SF3B3: variants seen among roughly 807,000 people sequenced by gnomAD.
SF3B3 encodes the protein SAP 130.
SF3B3 carries 33 observed loss-of-function variants against 139.2 expected under a neutral mutation model. The ratio of observed to expected loss-of-function variants is 0.24; its 90% CI spans 0.18 to 0.32. The LOEUF (loss-of-function observed/expected upper bound fraction) is 0.32. Among genes scored for constraint, SF3B3 ranks in the 10% least tolerant of loss-of-function variants. The pLI, the probability that SF3B3 is intolerant of heterozygous loss-of-function variation, is 1.00. For missense variants in SF3B3, 818 were observed against 1,509.4 expected (o/e 0.54, Z 7.59); for synonymous variants, 596 against 563.6 (o/e 1.06, Z -0.81).
At chr16:70,534,545 A>G (rs2050149011) in intron 5 of SF3B3, among the ~76,000 whole-genome samples, 1 of 152,170 alleles carries the variant, frequency 6.6e-6, no homozygotes, top group Admixed American at 6.5e-5. Context: ...GATTATACTC[A>G]GGTGTCTGGT....
chr16:70,569,764 A>G (rs114063990), intron 23 of SF3B3, among the ~76,000 whole-genome samples: 4,845 of 152,082 alleles, frequency 0.032, 293 homozygotes, highest in African/African-American at 0.11. Context: ...TGAGTAGCTG[A>G]GACTATAGTA....
intron 10 of SF3B3, among the ~76,000 whole-genome samples, chr16:70,546,954 G>A (rs1445892349): frequency 6.6e-6 from 1 of 152,158 alleles, no homozygotes; most frequent in African/African-American, 2.4e-5. Flanking sequence ...CGTGAACCCG[G>A]GAGGTGGAGC....
Position 70,575,289 on chromosome 16 carries a change from C to G in SF3B3, c.*3476C>G, listed in dbSNP as rs981993362. On this transcript the variant is annotated 3_prime_UTR_variant, in exon 26 of 26. Coordinates refer to ENST00000302516, the MANE Select transcript of SF3B3 (RefSeq NM_012426.5). ...TCTCGGCTCACCACAGCCTCCGCCT[C>G]CTGGGTTCAAGCAATTCTCCTGCCT... 9.4e-5 allele frequency: 14 copies of G among 149,066 alleles called. No homozygotes were observed. The Admixed American group carries it at 9.5e-4, about 10-fold the overall frequency. 9.2% of individuals were successfully genotyped at this position (149,066 alleles called of 1,614,324 possible). A position where few individuals can be genotyped will look rare whatever the true frequency, so the allele number is the denominator to read the frequency against.
At chr16:70,548,193 G>A (rs1473164039) in intron 10 of SF3B3, among the ~76,000 whole-genome samples, 177 bp from the exon 11 acceptor site, 1 of 152,214 alleles carries the variant, frequency 6.6e-6, no homozygotes, top group Non-Finnish European at 1.5e-5. Context: ...CATGGGGATT[G>A]CCACTAAGAA....
At chr16:70,538,505 A>G in intron 7 of SF3B3, 45 bp downstream of exon 7, 2 of 1,516,554 alleles carry the variant, frequency 1.3e-6, no homozygotes, top group Non-Finnish European at 1.8e-6. Context: ...CTATGAGATG[A>G]GATAGGCAAG....
intron 8 of SF3B3, among the ~76,000 whole-genome samples, chr16:70,540,770 G>T (rs2050212345): frequency 1.3e-5 from 2 of 151,894 alleles, no homozygotes; most frequent in African/African-American, 4.8e-5. Context: ...TGTTTTGGTA[G>T]CCTGTATCAG....
At chr16:70,544,671 C>T (rs948031485) in intron 10 of SF3B3, 138 bp downstream of exon 10, 19 of 606,890 alleles carry the variant, frequency 3.1e-5, no homozygotes, top group Admixed American at 9.1e-5. Flanking sequence ...CTGACTTCCC[C>T]GAAGTTTATA....
At chr16:70,558,119 A>G (rs1045116545) in intron 15 of SF3B3, among the ~76,000 whole-genome samples, 1 of 152,212 alleles carries the variant, frequency 6.6e-6, no homozygotes. Flanking sequence ...TCTGGACTTA[A>G]TAAAGTCATT....
intron 25 of SF3B3, 94 bp from the exon 26 acceptor site, chr16:70,571,578 TA>T: frequency 1.4e-6 from 2 of 1,381,728 alleles, no homozygotes. Context: ...AACTAAAAAA[TA>T]AAAACAGCTT....
At position 70,577,494 on chromosome 16, in the gene SF3B3, C is replaced by G. The variant is rs569139017; in HGVS notation, c.*5681C>G. The G allele has an allele frequency of 6.6e-6, 1 of 152,214 alleles. No individual in the cohort carries two copies. The highest frequency in any genetic ancestry group is 1.5e-5 in the Non-Finnish European group (1 of 68,076). 9.4% of individuals were successfully genotyped at this position (152,214 alleles called of 1,614,324 possible). ...TGTGTGTGACCTGTGTGGCCACTGC[C>G]TTGGGGACGGGTGAGGAGTTAGCCT... On this transcript the variant is annotated 3_prime_UTR_variant, in exon 26 of 26. Transcript: ENST00000302516.
At chr16:70,560,040 A>G (rs1024197092) in intron 15 of SF3B3, among the ~76,000 whole-genome samples, 1 of 152,162 alleles carries the variant, frequency 6.6e-6, no homozygotes, top group Non-Finnish European at 1.5e-5. Flanking sequence ...GTTGCACAAT[A>G]AAGTATCCCC....
intron 2 of SF3B3, among the ~76,000 whole-genome samples, chr16:70,527,543 T>A (rs1335818097): frequency 3.9e-5 from 6 of 152,194 alleles, no homozygotes; most frequent in Admixed American, 3.9e-4. Flanking sequence ...TTTCATGTTG[T>A]TATTTTCTCT....
intron 15 of SF3B3, among the ~76,000 whole-genome samples, chr16:70,558,035 T>TG (rs1308226590): frequency 6.6e-6 from 1 of 152,220 alleles, no homozygotes; most frequent in Non-Finnish European, 1.5e-5. Context: ...TTTCTTTTTA[T>TG]GTCTCTTAAA....
At position 70,552,243 on chromosome 16, in the gene SF3B3, T is replaced by C. The variant is rs184454537; in HGVS notation, c.1403-2203T>C. ...TGGCCAGTTACAGCCTTTTGTTGTT[T>C]GGCTTTAATTTGCTTTGACACAGCT... On this transcript the variant is annotated intron_variant, in intron 11 of 25. Coordinates refer to ENST00000302516, the MANE Select transcript of SF3B3 (RefSeq NM_012426.5). 9.2e-3 allele frequency among the ~76,000 whole-genome samples: 1,405 copies of C among 152,350 alleles called. 13 individuals carry two copies. The highest frequency in any genetic ancestry group is 0.013 in the Non-Finnish European group (904 of 68,030).
chr16:70,537,674 A>G (rs75531609), intron 6 of SF3B3, among the ~76,000 whole-genome samples: 4,820 of 152,310 alleles, frequency 0.032, 287 homozygotes, highest in African/African-American at 0.11. Context: ...TTAGACATTG[A>G]GCACCTAACT....
chr16:70,575,196 C>CTTTTTCTTTTTTTTTTTTTTT lies in SF3B3; in HGVS notation c.*3388_*3389insCTTTTTTTTTTTTTTTTTTTT, dbSNP rs2050566963. ...TTTTCTTTTTCTTTTTCTTTTTTTT[C>CTTTTTCTTTTTTTTTTTTTTT]TTTTTTTTTTTTTTTTTTTTGAGAT... On this transcript the variant is annotated 3_prime_UTR_variant, in exon 26 of 26. Transcript: ENST00000302516. 9.1e-6 allele frequency: 1 copy of CTTTTTCTTTTTTTTTTTTTTT among 110,008 alleles called. No individual in the cohort carries two copies. Among genetic ancestry groups the CTTTTTCTTTTTTTTTTTTTTT allele is most frequent in the African/African-American group, 3.4e-5 (1 of 29,056 alleles). The allele number at this position is 110,008 out of a possible 1,614,324, so 6.8% of individuals were successfully genotyped here.
chr16:70,541,991 G>A (rs1165816771), intron 9 of SF3B3, among the ~76,000 whole-genome samples, 157 bp downstream of exon 9: 1 of 152,142 alleles, frequency 6.6e-6, no homozygotes, highest in Non-Finnish European at 1.5e-5. Flanking sequence ...AAGTCCTCGG[G>A]CTTTTTTTCC....
chr16:70,576,805 TG>T lies in SF3B3; in HGVS notation c.*4994del, dbSNP rs1463651274. 6.6e-6 allele frequency: 1 copy of T among 152,338 alleles called. No homozygotes were observed. The highest frequency in any genetic ancestry group is 1.9e-4 in the East Asian group (1 of 5,174). The allele number at this position is 152,338 out of a possible 1,614,324, so 9.4% of individuals were successfully genotyped here. A position where few individuals can be genotyped will look rare whatever the true frequency, so the allele number is the denominator to read the frequency against. ...GCTCACTAGCCTCTAAGCATAGTCT[TG>T]GTTTCCTGCCTGTAAATTGGTAGAA... is the stretch of plus-strand genomic sequence containing the variant. On this transcript the variant is annotated 3_prime_UTR_variant, in exon 26 of 26. Coordinates refer to ENST00000302516, the MANE Select transcript of SF3B3 (RefSeq NM_012426.5).
At chr16:70,558,117 T>TTA (rs1007809894) in intron 15 of SF3B3, among the ~76,000 whole-genome samples, 3 of 152,226 alleles carry the variant, frequency 2.0e-5, no homozygotes, top group Non-Finnish European at 2.9e-5. Flanking sequence ...CTTCTGGACT[T>TTA]AATAAAGTCA....
Sources: gnomAD v4.1 joint callset for allele counts (sites outside exome capture counted in the v4.1 genomes callset) on GRCh38, gnomAD v4.1.1 for gene constraint, MANE v1.5 for transcripts, NCBI Gene and HGNC (gene_info 2026-07-23, HGNC 2026-07-21) for gene names.